The following TSG101 variants were observed in gnomAD, a reference collection of about 807,000 sequenced individuals.
TSG101 encodes the protein tumor susceptibility 101.
In TSG101, 19 loss-of-function variants were observed where a neutral mutation model predicts 48.5. That is an observed-to-expected ratio of 0.39 (90% confidence interval 0.27 to 0.58). The LOEUF is 0.58. Ranked by LOEUF, TSG101 falls within the 20% of genes least tolerant of loss-of-function variation. The probability of loss-of-function intolerance (pLI) is 0.55; values close to 1 mark genes in which losing one functional copy is unlikely to be tolerated. For synonymous variants in TSG101, 174 were observed against 169.4 expected (o/e 1.03, Z -0.21); for missense variants, 365 against 484.4 (o/e 0.75, Z 2.31).
At chr11:18,516,307 C>G in intron 2 of TSG101, 143 bp from the exon 3 acceptor site, 1 of 635,982 alleles carries the variant, frequency 1.6e-6, no homozygotes, top group Admixed American at 2.8e-5. Flanking sequence ...TGTCCAATAA[C>G]TAACAATTCT....
chr11:18,497,008 T>C (rs1176875492), intron 7 of TSG101, among the ~76,000 whole-genome samples: 2 of 152,020 alleles, frequency 1.3e-5, no homozygotes, highest in African/African-American at 2.4e-5. Flanking sequence ...GTAGAACTGC[T>C]TGAACCTGAG....
rs541779517 is a variant in TSG101 at position 18,497,103 on chromosome 11, C to A, written c.640+5383G>T. ...GAGTCTGTCTCAAAAACAACAACAA[C>A]AAAAAAAACAAGGATAAATAACCAA... On this transcript the variant is annotated intron_variant, in intron 7 of 9. Coordinates refer to ENST00000251968, the MANE Select transcript of TSG101 (RefSeq NM_006292.4). Among the ~76,000 whole-genome samples the A allele has an allele frequency of 5.2e-4, 79 of 151,458 alleles. No individual in the cohort carries two copies. In the East Asian group the frequency reaches 8.5e-3, roughly 16 times the overall value.
At chr11:18,499,402 A>ATATATATATT in intron 7 of TSG101, among the ~76,000 whole-genome samples, 1 of 5,456 alleles carries the variant, frequency 1.8e-4, no homozygotes, top group African/African-American at 5.0e-4. Context: ...ATATATATAT[A>ATATATATATT]TTTTTTTTTT....
Position 18,523,437 on chromosome 11 carries a change from G to A in TSG101, c.42+3338C>T, listed in dbSNP as rs10444226. ...AGAAGCACAGTTTCTTTGTCTGATT[G>A]TTCACTGTTGCATCCCTAGAACCTA... On this transcript the variant is annotated intron_variant, in intron 1 of 9. Coordinates refer to ENST00000251968, the MANE Select transcript of TSG101 (RefSeq NM_006292.4). Among the ~76,000 whole-genome samples, 1,103 of 152,218 alleles carry A rather than the reference G, an allele frequency of 7.2e-3. 4 individuals carry two copies. Among genetic ancestry groups the A allele is most frequent in the Non-Finnish European group, 9.7e-3 (661 of 68,016 alleles).
At chr11:18,519,862 T>A (rs1300853056) in intron 1 of TSG101, among the ~76,000 whole-genome samples, 2 of 152,184 alleles carry the variant, frequency 1.3e-5, no homozygotes, top group Non-Finnish European at 2.9e-5. Context: ...ATTGCATTGG[T>A]TAAAACGTCT....
intron 7 of TSG101, chr11:18,490,522 G>T: frequency 2.0e-6 from 1 of 489,426 alleles, no homozygotes; most frequent in South Asian, 2.0e-5. Flanking sequence ...AATGCTTCCT[G>T]GTAAGCCTGC....
chr11:18,499,208 T>A (rs930241062), intron 7 of TSG101, among the ~76,000 whole-genome samples: 1 of 125,650 alleles, frequency 8.0e-6, no homozygotes, highest in African/African-American at 2.8e-5. Flanking sequence ...TATATATATA[T>A]AAAATATATA....
At chr11:18,494,219 T>C (rs1190681008) in intron 7 of TSG101, among the ~76,000 whole-genome samples, 1 of 152,076 alleles carries the variant, frequency 6.6e-6, no homozygotes, top group Non-Finnish European at 1.5e-5. Context: ...TCAGCTATCA[T>C]AGTAAGTCAT....
intron 4 of TSG101, among the ~76,000 whole-genome samples, chr11:18,512,278 C>T (rs1227924756): frequency 1.3e-5 from 2 of 151,988 alleles, no homozygotes; most frequent in Non-Finnish European, 2.9e-5. Context: ...TGGTGGTGGG[C>T]GCCTGTAATC....
Position 18,516,089 on chromosome 11 carries a change from A to C in TSG101, c.193+10T>G, listed in dbSNP as rs777871849. ...ATGCATCTATGCTGGAAACCTAATA[A>C]GACATTTACCTCTATAAGGCACAGG... is the stretch of plus-strand genomic sequence containing the variant. On this transcript the variant is annotated intron_variant, in intron 3 of 9. Coordinates refer to ENST00000251968, the MANE Select transcript of TSG101 (RefSeq NM_006292.4). The C allele has an allele frequency of 2.3e-5, 37 of 1,611,598 alleles. No individual in the cohort carries two copies. The highest frequency in any genetic ancestry group is 3.3e-5 in the Admixed American group (2 of 59,720).
intron 7 of TSG101, among the ~76,000 whole-genome samples, chr11:18,484,605 C>G (rs1370851295): frequency 1.3e-5 from 2 of 152,042 alleles, no homozygotes; most frequent in Admixed American, 1.3e-4. Context: ...CAGGACAGAA[C>G]AGATGAACAA....
intron 2 of TSG101, among the ~76,000 whole-genome samples, chr11:18,516,958 A>C (rs1850188059): frequency 6.6e-6 from 1 of 152,192 alleles, no homozygotes; most frequent in East Asian, 1.9e-4. Flanking sequence ...AACAAACAAA[A>C]AAACACTATC....
chr11:18,520,148 T>G (rs1160388155), intron 1 of TSG101, among the ~76,000 whole-genome samples: 1 of 152,218 alleles, frequency 6.6e-6, no homozygotes, highest in Admixed American at 6.5e-5. Context: ...TCATACAATG[T>G]GATCTTTCAT....
At chr11:18,490,591 T>C in intron 7 of TSG101, 7 of 473,172 alleles carry the variant, frequency 1.5e-5, no homozygotes, top group South Asian at 1.4e-4. Context: ...GAAAAATACC[T>C]AAAATAATCT....
rs146948085 is a variant in TSG101 at position 18,482,187 on chromosome 11, T to G, written c.844-318A>C. ...GATACTTTCCAGCAGAAGGTTCCTT[T>G]ACATAGAAAATCATAAGAGGTTTTT... On this transcript the variant is annotated intron_variant, in intron 8 of 9. Transcript: ENST00000251968. 2.0e-5 allele frequency among the ~76,000 whole-genome samples: 3 copies of G among 152,358 alleles called. No individual in the cohort carries two copies. The East Asian group carries it at 5.8e-4, about 29-fold the overall frequency.
At chr11:18,487,796 C>T (rs1371789863) in intron 7 of TSG101, among the ~76,000 whole-genome samples, 2 of 152,186 alleles carry the variant, frequency 1.3e-5, no homozygotes, top group African/African-American at 4.8e-5. Context: ...AGCATACATC[C>T]TCCTTTTCCA....
chr11:18,513,398 T>G (rs1380326391), intron 4 of TSG101, among the ~76,000 whole-genome samples: 1 of 152,036 alleles, frequency 6.6e-6, no homozygotes, highest in Admixed American at 6.6e-5. Context: ...CAGGCTCAAG[T>G]GATCCTTTCA....
At chr11:18,504,649 C>T (rs1371649275) in intron 6 of TSG101, among the ~76,000 whole-genome samples, 1 of 152,178 alleles carries the variant, frequency 6.6e-6, no homozygotes, top group Non-Finnish European at 1.5e-5. Flanking sequence ...ATAATGTGAT[C>T]ACATTGCTGA....
chr11:18,513,476 T>C (rs1350537501), intron 4 of TSG101, among the ~76,000 whole-genome samples: 2 of 151,928 alleles, frequency 1.3e-5, no homozygotes, highest in African/African-American at 2.4e-5. Flanking sequence ...TAAAATATTT[T>C]TTTATAGAGA....
Sources: gnomAD v4.1 joint callset for allele counts (sites outside exome capture counted in the v4.1 genomes callset) on GRCh38, gnomAD v4.1.1 for gene constraint, MANE v1.5 for transcripts, NCBI Gene and HGNC (gene_info 2026-07-23, HGNC 2026-07-21) for gene names.